The following DNTT variants were observed in gnomAD, a reference collection of about 807,000 sequenced individuals.
The protein encoded by DNTT is DNA nucleotidylexotransferase.
In DNTT, 47 loss-of-function variants were observed where a neutral mutation model predicts 60.9. The observed-to-expected ratio is 0.77, with a 90% confidence interval of 0.61 to 0.98. The LOEUF is 0.98. Ranked by LOEUF, DNTT falls within the 50% of genes least tolerant of loss-of-function variation. DNTT has a pLI of 0.00. For missense variants in DNTT, 665 were observed against 627.5 expected (o/e 1.06, Z -0.64); for synonymous variants, 224 against 221.2 (o/e 1.01, Z -0.11).
chr10:96,338,545 A>C lies in DNTT; in HGVS notation c.*321A>C. On this transcript the variant is annotated 3_prime_UTR_variant, in exon 11 of 11. Coordinates refer to ENST00000371174, the MANE Select transcript of DNTT (RefSeq NM_004088.4). ...GTAGCTGAAATACTGTCTATCTCTAATAAAAACAGGAGGAAACAAGATGAT... is the reference window on the plus strand; with the variant it reads ...GTAGCTGAAATACTGTCTATCTCTACTAAAAACAGGAGGAAACAAGATGAT... 5.2e-6 allele frequency: 1 copy of C among 191,450 alleles called. No homozygotes were observed. The highest frequency in any genetic ancestry group is 5.6e-5 in the Admixed American group (1 of 17,966). The allele number at this position is 191,450 out of a possible 1,614,324, so 11.9% of individuals were successfully genotyped here.
Position 96,314,402 on chromosome 10 carries a change from C to CT in DNTT, c.204-3922dup, listed in dbSNP as rs869059822. On this transcript the variant is annotated intron_variant, in intron 1 of 10. Transcript: ENST00000371174. Reference sequence around the variant, plus strand: ...TAACATTTCCAAGGCTATCTCTTCCCTTTTTTTTTTTTTTTTTTTTTTTTT... The same window carrying CT: ...TAACATTTCCAAGGCTATCTCTTCCCTTTTTTTTTTTTTTTTTTTTTTTTTT... Among the ~76,000 whole-genome samples, 143 of 53,196 alleles carry CT rather than the reference C, an allele frequency of 2.7e-3. 9 individuals are homozygous for CT. Among genetic ancestry groups the CT allele is most frequent in the African/African-American group, 5.6e-3 (95 of 16,942 alleles). 34.9% of individuals were successfully genotyped at this position (53,196 alleles called of 152,430 possible).
intron 1 of DNTT, 125 bp from the exon 2 acceptor site, chr10:96,318,223 CCACA>C: frequency 9.2e-7 from 1 of 1,083,350 alleles, no homozygotes; most frequent in Non-Finnish European, 1.3e-6. Context: ...CCTAAATTCT[CCACA>C]CCTATGGTTA....
intron 1 of DNTT, among the ~76,000 whole-genome samples, chr10:96,310,858 T>G (rs1844707143): frequency 6.6e-6 from 1 of 152,216 alleles, no homozygotes; most frequent in South Asian, 2.1e-4. Context: ...CTGCAATGCA[T>G]GAGTATTAAT....
chr10:96,318,410 C>G lies in DNTT; in HGVS notation c.262C>G (p.Leu88Val). The G allele has an allele frequency of 6.2e-7, 1 of 1,613,770 alleles. No individual in the cohort carries two copies. Among genetic ancestry groups the G allele is most frequent in the South Asian group, 1.1e-5 (1 of 90,988 alleles). The change falls in exon 2 of 11, where the codon CTT becomes GTT. Residue 88 changes from leucine (L) to valine (V), a missense_variant. By Grantham distance (32) the Leu-to-Val change is conservative (BLOSUM62 1). Coordinates refer to ENST00000371174, the MANE Select transcript of DNTT (RefSeq NM_004088.4). ...CTCGGGTTCGGATGTTCTGGAGTGG[C>G]TTCAAGCACAGAAAGTACAAGTCAG... ...NNSGSDVLEW[L>V]QAQKVQVSSQ...
intron 1 of DNTT, among the ~76,000 whole-genome samples, chr10:96,311,194 AT>A (rs1349237755): frequency 6.6e-6 from 1 of 152,216 alleles, no homozygotes; most frequent in East Asian, 1.9e-4. Flanking sequence ...GCTAAGTGAA[AT>A]TGGTAGAAGG....
At chr10:96,304,819 A>T in intron 1 of DNTT, 119 bp downstream of exon 1, 1 of 1,128,688 alleles carries the variant, frequency 8.9e-7, no homozygotes, top group East Asian at 2.6e-5. Context: ...CCACTGGGAG[A>T]ACAGCAGATT....
chr10:96,323,214 A>G (rs1373328223), intron 5 of DNTT, among the ~76,000 whole-genome samples: 2 of 152,116 alleles, frequency 1.3e-5, no homozygotes, highest in Non-Finnish European at 2.9e-5. Context: ...CATGAGAATC[A>G]CTTGAGTCTG....
At chr10:96,320,576 G>C in intron 3 of DNTT, 42 bp from the exon 4 acceptor site, 1 of 1,606,506 alleles carries the variant, frequency 6.2e-7, no homozygotes, top group Non-Finnish European at 8.5e-7. Flanking sequence ...TGGCTCAGGG[G>C]CTTGGAAGCA....
intron 9 of DNTT, among the ~76,000 whole-genome samples, chr10:96,333,306 C>T (rs945755202): frequency 6.6e-6 from 1 of 152,182 alleles, no homozygotes; most frequent in Non-Finnish European, 1.5e-5. Context: ...TTATCAAAAA[C>T]ATGAAAGACA....
At chr10:96,308,989 G>C (rs1658880462) in intron 1 of DNTT, among the ~76,000 whole-genome samples, 1 of 152,188 alleles carries the variant, frequency 6.6e-6, no homozygotes, top group Admixed American at 6.5e-5. Context: ...CAGGGGATAT[G>C]ATGGCCTGGC....
Position 96,323,580 on chromosome 10 carries a change from G to GT in DNTT, c.751-686_751-685insT, listed in dbSNP as rs201041666. On this transcript the variant is annotated intron_variant, in intron 5 of 10. Coordinates refer to ENST00000371174, the MANE Select transcript of DNTT (RefSeq NM_004088.4). ...TCATGGGACATGAGGACCATGGGGG[G>GT]GTTGGTGGGGACAGGACGGAACTGC... Among the ~76,000 whole-genome samples, 550 of 152,190 alleles carry GT rather than the reference G, an allele frequency of 3.6e-3. 5 individuals carry two copies. Among genetic ancestry groups the GT allele is most frequent in the African/African-American group, 0.013 (526 of 41,492 alleles).
At chr10:96,336,915 G>A (rs1203517661) in intron 10 of DNTT, among the ~76,000 whole-genome samples, 5 of 134,714 alleles carry the variant, frequency 3.7e-5, no homozygotes, top group African/African-American at 6.0e-5. Flanking sequence ...TCCAGCCTGG[G>A]CAACAGAGTG....
At position 96,318,508 on chromosome 10, in the gene DNTT, A is replaced by G; in HGVS notation, c.360A>G (p.Thr120=). ...CIRAGKPVEM[T]GKHQLVVRRD... ...GAGCAGGGAAACCGGTGGAAATGACAGGAAAACACCAGCTTGTTGTAAGTG... is the reference window on the plus strand; with the variant it reads ...GAGCAGGGAAACCGGTGGAAATGACGGGAAAACACCAGCTTGTTGTAAGTG... Residue 120 remains threonine (T), a synonymous_variant, in exon 2 of 11, where the codon ACA becomes ACG. Coordinates refer to ENST00000371174, the MANE Select transcript of DNTT (RefSeq NM_004088.4). The G allele has an allele frequency of 6.2e-7, 1 of 1,613,538 alleles. No homozygotes were observed. Among genetic ancestry groups the G allele is most frequent in the Middle Eastern group, 1.7e-4 (1 of 6,056 alleles).
chr10:96,328,608 G>A lies in DNTT; in HGVS notation c.1008-117G>A, dbSNP rs532884812. Reference sequence around the variant, plus strand: ...AGGATATTTTGTTTCTTAAAAAAAAGTCAAGAACCTTCTATGTTGCAAATC... The same window carrying A: ...AGGATATTTTGTTTCTTAAAAAAAAATCAAGAACCTTCTATGTTGCAAATC... On this transcript the variant is annotated intron_variant, in intron 7 of 10. Coordinates refer to ENST00000371174, the MANE Select transcript of DNTT (RefSeq NM_004088.4). 8 of 966,122 alleles carry A rather than the reference G, an allele frequency of 8.3e-6. No homozygotes were observed. In the Admixed American group the frequency reaches 1.8e-4, roughly 22 times the overall value. 59.8% of individuals were successfully genotyped at this position (966,122 alleles called of 1,614,324 possible).
intron 10 of DNTT, among the ~76,000 whole-genome samples, chr10:96,336,974 C>T (rs1023820346): frequency 6.6e-6 from 1 of 151,464 alleles, no homozygotes; most frequent in Non-Finnish European, 1.5e-5. Context: ...GATCATTTCC[C>T]TCTAGGAGCT....
rs138421784 is a variant in DNTT, at chr10:96,331,786, A to G, written c.1114-565A>G. Among the ~76,000 whole-genome samples the G allele has an allele frequency of 3.2e-3, 480 of 152,164 alleles. 6 individuals carry two copies. Among genetic ancestry groups the G allele is most frequent in the Middle Eastern group, 0.024 (7 of 294 alleles). On this transcript the variant is annotated intron_variant, in intron 8 of 10. Transcript: ENST00000371174. Reference sequence around the variant, plus strand: ...TATGATTTTTTAAGTTTTATTATTTATTTATTTCTGAGACAGGGTCTTGCT... The same window carrying G: ...TATGATTTTTTAAGTTTTATTATTTGTTTATTTCTGAGACAGGGTCTTGCT...
chr10:96,334,357 C>G (rs993276997), intron 9 of DNTT, among the ~76,000 whole-genome samples: 2 of 152,158 alleles, frequency 1.3e-5, no homozygotes, highest in Non-Finnish European at 2.9e-5. Flanking sequence ...CAGCACGTGG[C>G]CAGTACTGGA....
chr10:96,337,815 T>C (rs754674956), intron 10 of DNTT, among the ~76,000 whole-genome samples: 2 of 152,256 alleles, frequency 1.3e-5, no homozygotes, highest in Non-Finnish European at 1.5e-5. Context: ...GACTGGGGTA[T>C]GGCTCAAGCT....
chr10:96,313,321 A>G (rs1844743723), intron 1 of DNTT, among the ~76,000 whole-genome samples: 1 of 152,190 alleles, frequency 6.6e-6, no homozygotes, highest in Non-Finnish European at 1.5e-5. Flanking sequence ...TCTGTGGGCA[A>G]GGCAGAAACA....
Sources: allele counts gnomAD v4.1 joint callset (sites outside exome capture counted in the v4.1 genomes callset), GRCh38; gene constraint gnomAD v4.1.1; transcripts MANE v1.5; gene names NCBI Gene and HGNC (gene_info 2026-07-23, HGNC 2026-07-21).